LIN28B: variants seen among roughly 807,000 people sequenced by gnomAD.
LIN28B encodes the protein protein lin-28 homolog B.
LIN28B carries 5 observed loss-of-function variants against 21.9 expected under a neutral mutation model. The ratio of observed to expected loss-of-function variants is 0.23; its 90% CI spans 0.12 to 0.48. LIN28B has a LOEUF of 0.48. Ranked by LOEUF, LIN28B falls within the 20% of genes least tolerant of loss-of-function variation. LIN28B has a pLI of 0.98. For missense variants in LIN28B, 245 were observed against 310.5 expected (o/e 0.79, Z 1.58); for synonymous variants, 109 against 111.3 (o/e 0.98, Z 0.13).
At chr6:104,947,350 T>C (rs1047587135) in intron 2 of LIN28B, among the ~76,000 whole-genome samples, 1 of 152,096 alleles carries the variant, frequency 6.6e-6, no homozygotes, top group Non-Finnish European at 1.5e-5. Flanking sequence ...TCTCGAACTC[T>C]GGACCTCAAG....
upstream of LIN28B, among the ~76,000 whole-genome samples, chr6:104,954,368 C>T (rs1044643134): frequency 5.3e-5 from 8 of 152,030 alleles, no homozygotes; most frequent in Non-Finnish European, 1.0e-4. Context: ...ATTTTAGGCT[C>T]AAAAGTTTTG....
chr6:105,025,205 A>T (rs1268681017), intron 2 of LIN28B, among the ~76,000 whole-genome samples: 1 of 152,198 alleles, frequency 6.6e-6, no homozygotes, highest in Non-Finnish European at 1.5e-5. Context: ...TTCTACCATC[A>T]TGTTTTATTT....
chr6:105,035,047 G>C lies in LIN28B; in HGVS notation c.383+8565G>C, dbSNP rs148254032. On this transcript the variant is annotated intron_variant, in intron 3 of 3. Coordinates refer to ENST00000345080, the MANE Select transcript of LIN28B (RefSeq NM_001004317.4). ...ACCTCTTCCACTCATTATCTCAGTG[G>C]TATAATTTGACATTTTTCCAGGTAC... is the stretch of plus-strand genomic sequence containing the variant. Among the ~76,000 whole-genome samples, 234 of 151,512 alleles carry C rather than the reference G, an allele frequency of 1.5e-3. 1 individual carries two copies. Among genetic ancestry groups the C allele is most frequent in the African/African-American group, 5.2e-3 (215 of 41,328 alleles).
At chr6:104,980,383 A>G (rs1582876392) in intron 2 of LIN28B, among the ~76,000 whole-genome samples, 1 of 152,182 alleles carries the variant, frequency 6.6e-6, no homozygotes, top group Non-Finnish European at 1.5e-5. Flanking sequence ...TTTGGTAGCA[A>G]AAATGATGCA....
chr6:104,953,655 A>G (rs185120111), upstream of LIN28B, among the ~76,000 whole-genome samples: 1 of 152,182 alleles, frequency 6.6e-6, no homozygotes, highest in Non-Finnish European at 1.5e-5. Context: ...GGTGAGAGGA[A>G]GCTGCAGAGG....
At chr6:104,971,605 A>T (rs1338050500) in intron 2 of LIN28B, among the ~76,000 whole-genome samples, 1 of 152,188 alleles carries the variant, frequency 6.6e-6, no homozygotes. Flanking sequence ...ACAGTGGGTT[A>T]TCAACCTTTC....
At chr6:105,077,231 T>A (rs562024362) in intron 3 of LIN28B, among the ~76,000 whole-genome samples, 112 of 151,992 alleles carry the variant, frequency 7.4e-4, no homozygotes, top group African/African-American at 2.5e-3. Flanking sequence ...TCTCAAAAAA[T>A]ATATATATAT....
intron 2 of LIN28B, among the ~76,000 whole-genome samples, chr6:104,991,302 G>A (rs567116985): frequency 2.7e-5 from 4 of 150,918 alleles, no homozygotes; most frequent in South Asian, 2.1e-4. Context: ...CGGACGGGGC[G>A]GCTGCCGCGC....
At chr6:105,010,675 A>C in intron 2 of LIN28B, among the ~76,000 whole-genome samples, 1 of 152,168 alleles carries the variant, frequency 6.6e-6, no homozygotes, top group African/African-American at 2.4e-5. Context: ...ATAATCTCTA[A>C]ATTTTCCAGC....
intron 2 of LIN28B, among the ~76,000 whole-genome samples, chr6:104,972,937 G>T (rs569642220): frequency 6.6e-6 from 1 of 151,782 alleles, no homozygotes; most frequent in Non-Finnish European, 1.5e-5. Context: ...ATGGCAAAAC[G>T]CTGTCTCTAC....
At chr6:104,972,333 G>GT (rs1769998639) in intron 2 of LIN28B, among the ~76,000 whole-genome samples, 2 of 151,966 alleles carry the variant, frequency 1.3e-5, no homozygotes, top group South Asian at 4.2e-4. Flanking sequence ...TGCTACCTTG[G>GT]TTTTTTTGTG....
intron 3 of LIN28B, among the ~76,000 whole-genome samples, chr6:105,069,923 A>G (rs1381943147): frequency 2.0e-5 from 3 of 152,062 alleles, no homozygotes; most frequent in Non-Finnish European, 4.4e-5. Context: ...AATAAGAGAT[A>G]TATACACACA....
chr6:104,958,393 G>A, intron 2 of LIN28B, 107 bp downstream of exon 2: 1 of 898,434 alleles, frequency 1.1e-6, no homozygotes, highest in African/African-American at 1.6e-5. Context: ...TATATTGAAA[G>A]ACAAAATCTT....
At chr6:105,008,997 T>A (rs1294462399) in intron 2 of LIN28B, among the ~76,000 whole-genome samples, 2 of 152,220 alleles carry the variant, frequency 1.3e-5, no homozygotes, top group Non-Finnish European at 2.9e-5. Flanking sequence ...TTACATTCTG[T>A]GTCTAGGACT....
At chr6:105,033,718 A>T (rs536650759) in intron 3 of LIN28B, among the ~76,000 whole-genome samples, 1 of 152,056 alleles carries the variant, frequency 6.6e-6, no homozygotes, top group African/African-American at 2.4e-5. Flanking sequence ...ATTGTTAATA[A>T]AAAATTAAGA....
chr6:105,030,985 A>G (rs187856589), intron 3 of LIN28B, among the ~76,000 whole-genome samples: 3 of 152,106 alleles, frequency 2.0e-5, no homozygotes, highest in Admixed American at 2.0e-4. Flanking sequence ...TTTATTATGA[A>G]AATTTTTAGA....
chr6:104,984,768 A>G lies in LIN28B; in HGVS notation c.198+26482A>G, dbSNP rs573392824. ...TAGTTAGTAACACAAAAGTAAAACA[A>G]CAAAGACAAAGATATAGGTCAGAAC... On this transcript the variant is annotated intron_variant, in intron 2 of 3. Transcript: ENST00000345080. Among the ~76,000 whole-genome samples, 87 of 152,348 alleles carry G rather than the reference A, an allele frequency of 5.7e-4. No individual in the cohort carries two copies. The South Asian group carries it at 0.017, about 29-fold the overall frequency.
At chr6:104,955,147 C>T (rs113217756), upstream of LIN28B, among the ~76,000 whole-genome samples, 165 of 152,230 alleles carry the variant, frequency 1.1e-3, no homozygotes, top group African/African-American at 3.8e-3. Flanking sequence ...ATGTCACAAG[C>T]TTAGCCTGTA....
intron 2 of LIN28B, among the ~76,000 whole-genome samples, chr6:104,942,306 G>T (rs1778105677): frequency 2.0e-5 from 3 of 152,226 alleles, no homozygotes; most frequent in East Asian, 1.9e-4. Flanking sequence ...TTTTAATCAA[G>T]AAAATATTAA....
Sources: allele counts gnomAD v4.1 joint callset (sites outside exome capture counted in the v4.1 genomes callset), GRCh38; gene constraint gnomAD v4.1.1; transcripts MANE v1.5; gene names NCBI Gene and HGNC (gene_info 2026-07-23, HGNC 2026-07-21).